The following PEX1 variants were observed in gnomAD, a reference collection of about 807,000 sequenced individuals.
PEX1 encodes peroxisomal biogenesis factor 1.
PEX1 carries 97 observed loss-of-function variants against 152.5 expected under a neutral mutation model. That is an observed-to-expected ratio of 0.64 (90% CI 0.54 to 0.75). The LOEUF (loss-of-function observed/expected upper bound fraction) is 0.75. Among genes scored for constraint, PEX1 ranks in the 30% least tolerant of loss-of-function variants. The probability of loss-of-function intolerance (pLI) is 0.00; values close to 1 mark genes in which losing one functional copy is unlikely to be tolerated. For missense variants in PEX1, 1,357 were observed against 1,516.3 expected, an observed-to-expected ratio of 0.89 and a Z score of 1.74; for synonymous variants, 485 against 531.6, an observed-to-expected ratio of 0.91 and a Z score of 1.21.
At chr7:92,508,034 T>TA (rs11451298) in intron 9 of PEX1, among the ~76,000 whole-genome samples, 8,778 of 152,058 alleles carry the variant, frequency 0.058, 532 homozygotes, top group East Asian at 0.28. Context: ...TCTTAACACA[T>TA]AAAAAAACAC....
intron 5 of PEX1, 128 bp downstream of exon 5, chr7:92,517,148 A>C: frequency 1.3e-6 from 1 of 756,398 alleles, no homozygotes; most frequent in South Asian, 1.6e-5. Context: ...GTGTCCCCCA[A>C]GTGCCTTTAG....
At position 92,509,471 on chromosome 7, in the gene PEX1, T is replaced by TA. The variant is rs1554373288; in HGVS notation, c.1588-61_1588-60insT. On this transcript the variant is annotated intron_variant, in intron 8 of 23. Coordinates refer to ENST00000248633, the MANE Select transcript of PEX1 (RefSeq NM_000466.3). ...AAAGTATGTCTTTTGCATGTTTTTCTCGGGTCCCAGAAAACTAAATTGCTG... is the reference window on the plus strand; with the variant it reads ...AAAGTATGTCTTTTGCATGTTTTTCTACGGGTCCCAGAAAACTAAATTGCTG... The TA allele has an allele frequency of 1.8e-5, 22 of 1,246,232 alleles. No homozygotes were observed. The African/African-American group carries it at 2.4e-4, about 13-fold the overall frequency. 77.2% of individuals were successfully genotyped at this position (1,246,232 alleles called of 1,614,324 possible). A position where few individuals can be genotyped will look rare whatever the true frequency, so the allele number is the denominator to read the frequency against.
At chr7:92,492,906 CTTT>C (rs781697223) in intron 20 of PEX1, 44 bp downstream of exon 20, 2 of 1,426,796 alleles carry the variant, frequency 1.4e-6, no homozygotes, top group Non-Finnish European at 2.0e-6. Flanking sequence ...CATTGTACTT[CTTT>C]TATCACTCAT....
rs1031595962 is a variant in PEX1 at position 92,519,091 on chromosome 7, A to C, written c.274-13T>G. 36 of 1,479,042 alleles carry C rather than the reference A, an allele frequency of 2.4e-5. No individual in the cohort carries two copies. The East Asian group carries it at 8.1e-4, about 33-fold the overall frequency. 91.6% of individuals were successfully genotyped at this position (1,479,042 alleles called of 1,614,324 possible). A position where few individuals can be genotyped will look rare whatever the true frequency, so the allele number is the denominator to read the frequency against. On this transcript the variant is annotated splice_polypyrimidine_tract_variant and intron_variant, in intron 2 of 23. Coordinates refer to ENST00000248633, the MANE Select transcript of PEX1 (RefSeq NM_000466.3). The stretch of plus-strand genomic sequence containing the variant: ...GCTTGAGAAATACCTAGAAAAAATT[A>C]AAAATTTAAAACTACTTTAAAAAAA...
rs143041528 is a variant in PEX1, at chr7:92,506,356, T to G, written c.1804-12A>C. On this transcript the variant is annotated splice_polypyrimidine_tract_variant and intron_variant, in intron 10 of 23. Transcript: ENST00000248633. ...GATTTTCCACTTCCCTAGAAAATAA[T>G]TGCTTTATAGGAATTCCCAATATAT... 1 of 1,524,680 alleles carries G rather than the reference T, an allele frequency of 6.6e-7. No homozygotes were observed. The highest frequency in any genetic ancestry group is 9.1e-7 in the Non-Finnish European group (1 of 1,099,126). The allele number at this position is 1,524,680 out of a possible 1,614,324, so 94.4% of individuals were successfully genotyped here. A position where few individuals can be genotyped will look rare whatever the true frequency, so the allele number is the denominator to read the frequency against.
chr7:92,490,147 G>GT lies in PEX1; in HGVS notation c.3439-237dup, dbSNP rs1343703727. On this transcript the variant is annotated intron_variant, in intron 21 of 23. Transcript: ENST00000248633. ...TGAAAATTGCCATAACACAGGGTAG[G>GT]TTTTTTTAACTTTGTTGCTTAAATC... 4.5e-5 allele frequency: 24 copies of GT among 533,254 alleles called. No homozygotes were observed. In the Middle Eastern group the frequency reaches 2.0e-3, roughly 45 times the overall value. The allele number at this position is 533,254 out of a possible 1,614,324, so 33.0% of individuals were successfully genotyped here.
chr7:92,501,097 CA>C (rs3838705), intron 15 of PEX1, among the ~76,000 whole-genome samples: 17,836 of 152,094 alleles, frequency 0.12, 1,082 homozygotes, highest in Non-Finnish European at 0.13. Context: ...TTCTTATCAT[CA>C]AAGACTGCAT....
At chr7:92,494,690 C>T in intron 17 of PEX1, 61 bp from the exon 18 acceptor site, 1 of 1,328,418 alleles carries the variant, frequency 7.5e-7, no homozygotes, top group Non-Finnish European at 1.1e-6. Context: ...AAAGTGATTT[C>T]ATATACATAT....
chr7:92,513,862 G>A lies in PEX1; in HGVS notation c.1345C>T (p.Pro449Ser), dbSNP rs199799324. 15 of 1,598,316 alleles carry A rather than the reference G, an allele frequency of 9.4e-6. No individual in the cohort carries two copies. The highest frequency in any genetic ancestry group is 1.3e-5 in the Non-Finnish European group (15 of 1,166,494). Residue 449 changes from proline (P) to serine (S), a missense_variant, in exon 6 of 24, where the codon CCT becomes TCT. By Grantham distance (74) the Pro-to-Ser change is moderately conservative. Coordinates refer to ENST00000248633, the MANE Select transcript of PEX1 (RefSeq NM_000466.3). ...TTTGAACTCACTAAATTCTCTCTAG[G>A]TTGTAACTTTAGAGATCTTGGAATT... ...PKIPRSLKLQ[P>S]RENLPKDISE...
At chr7:92,525,551 C>A (rs548449482) in intron 1 of PEX1, among the ~76,000 whole-genome samples, 18 of 152,206 alleles carry the variant, frequency 1.2e-4, no homozygotes, top group Non-Finnish European at 2.2e-4. Flanking sequence ...CAGTAGACAT[C>A]TGACAATGTC....
chr7:92,505,602 T>G (rs1438962901), intron 11 of PEX1, among the ~76,000 whole-genome samples: 1 of 152,142 alleles, frequency 6.6e-6, no homozygotes, highest in Non-Finnish European at 1.5e-5. Flanking sequence ...TGCAAATGCA[T>G]CTGCCTAGAG....
chr7:92,527,487 A>C (rs2116292523), intron 1 of PEX1, among the ~76,000 whole-genome samples: 1 of 152,310 alleles, frequency 6.6e-6, no homozygotes, highest in East Asian at 1.9e-4. Context: ...TCCCCTAGGT[A>C]TGGGGAAGTA....
At chr7:92,496,847 T>A (rs1791677101) in intron 16 of PEX1, 70 bp from the exon 17 acceptor site, 1 of 918,082 alleles carries the variant, frequency 1.1e-6, no homozygotes, top group Non-Finnish European at 1.8e-6. Flanking sequence ...TCTGACTAAG[T>A]CTAAATGAAT....
intron 11 of PEX1, among the ~76,000 whole-genome samples, chr7:92,505,980 T>A (rs528299188): frequency 4.6e-5 from 7 of 152,076 alleles, no homozygotes; most frequent in African/African-American, 1.4e-4. Flanking sequence ...AGTACTAATT[T>A]TTCAGAGTGG....
At chr7:92,489,561 A>T in intron 22 of PEX1, 138 bp from the exon 23 acceptor site, 1 of 1,025,008 alleles carries the variant, frequency 9.8e-7, no homozygotes, top group South Asian at 1.4e-5. Context: ...GAAACATTGA[A>T]AGCAAGGAAG....
In PEX1 at chr7:92,526,086, TGGTACTGGCCTA is replaced by T. The variant is rs1793254107; in HGVS notation, c.129+2209_129+2220del. Among the ~76,000 whole-genome samples, 6 of 152,314 alleles carry T rather than the reference TGGTACTGGCCTA, an allele frequency of 3.9e-5. No individual in the cohort carries two copies. The South Asian group carries it at 1.2e-3, about 32-fold the overall frequency. ...AGAGGGCAAATTAGCTGCATGGCAA[TGGTACTGGCCTA>T]GGAATGCCAGTTTCCTTACATGTAA... On this transcript the variant is annotated intron_variant, in intron 1 of 23. Transcript: ENST00000248633.
rs762061490 is a variant in PEX1 at position 92,513,898 on chromosome 7, C to T, written c.1309G>A (p.Val437Ile). ...HAVVRITPVE[V>I]TPKIPRSLKL... ...AGAGATCTTGGAATTTTAGGGGTAA[C>T]TTCCACTGGAGTTATCCTGACTACG... Residue 437 changes from valine to isoleucine, a missense_variant, in exon 6 of 24, where the codon GTT (valine) becomes ATT (isoleucine). Transcript: ENST00000248633. The T allele has an allele frequency of 1.7e-5, 27 of 1,598,158 alleles. No individual in the cohort carries two copies. The highest frequency in any genetic ancestry group is 2.2e-5 in the Non-Finnish European group (26 of 1,166,138).
Position 92,519,228 on chromosome 7 carries a change from T to A in PEX1, c.274-150A>T, listed in dbSNP as rs1175981212. 6 of 615,682 alleles carry A rather than the reference T, an allele frequency of 9.7e-6. No homozygotes were observed. In the East Asian group the frequency reaches 1.4e-4, roughly 15 times the overall value. The allele number at this position is 615,682 out of a possible 1,614,324, so 38.1% of individuals were successfully genotyped here. ...GTGTATATGTAGTCTATGTAATCTT[T>A]CTTTTCTGTTTTGAGAGATGGGGCC... On this transcript the variant is annotated intron_variant, in intron 2 of 23. Coordinates refer to ENST00000248633, the MANE Select transcript of PEX1 (RefSeq NM_000466.3).
intron 2 of PEX1, among the ~76,000 whole-genome samples, chr7:92,521,848 T>A (rs996797215): frequency 2.6e-5 from 4 of 152,156 alleles, no homozygotes; most frequent in Admixed American, 1.3e-4. Flanking sequence ...AATAATTTCA[T>A]GAAACCAAAA....
Sources: gnomAD v4.1 joint callset for allele counts (sites outside exome capture counted in the v4.1 genomes callset) on GRCh38, gnomAD v4.1.1 for gene constraint, MANE v1.5 for transcripts, NCBI Gene and HGNC (gene_info 2026-07-23, HGNC 2026-07-21) for gene names.